The following PARVB variants were observed in gnomAD, a reference collection of about 807,000 sequenced individuals.
PARVB encodes the protein beta-parvin.
PARVB carries 46 observed loss-of-function variants against 47.0 expected under a neutral mutation model. That is an observed-to-expected ratio of 0.98 (90% confidence interval 0.77 to 1.25). The LOEUF (loss-of-function observed/expected upper bound fraction) is 1.25. Ranked by LOEUF, PARVB falls within the 50% of genes most tolerant of loss-of-function variation. The pLI is 0.00. For missense variants in PARVB, 473 were observed against 471.6 expected (o/e 1.00, Z -0.03); for synonymous variants, 196 against 196.3 (o/e 1.00, Z 0.01).
At position 44,034,836 on chromosome 22, in the gene PARVB, G is replaced by A. The variant is rs546238449; in HGVS notation, c.112+10385G>A. Among the ~76,000 whole-genome samples, 75 of 150,006 alleles carry A rather than the reference G, an allele frequency of 5.0e-4. 1 individual carries two copies. The highest frequency in any genetic ancestry group is 1.7e-3 in the African/African-American group (68 of 40,656). On this transcript the variant is annotated intron_variant, in intron 1 of 12. Coordinates refer to ENST00000338758, the MANE Select transcript of PARVB (RefSeq NM_013327.5). Reference sequence around the variant, plus strand: ...AGTGATTCTCCTGCCTCAGCTTCCCGAGTAGCTGGGATTACAGGCGTGCAC... The same window carrying A: ...AGTGATTCTCCTGCCTCAGCTTCCCAAGTAGCTGGGATTACAGGCGTGCAC...
intron 3 of PARVB, chr22:44,111,171 A>C (rs932719638): frequency 6.6e-6 from 1 of 151,964 alleles, no homozygotes; most frequent in African/African-American, 2.4e-5. Context: ...CATTTGGACT[A>C]GTACCTTGGG....
intron 1 of PARVB, chr22:44,026,311 A>G (rs1481410476): frequency 1.0e-6 from 1 of 985,500 alleles, no homozygotes; most frequent in African/African-American, 1.7e-5. Context: ...TGTGCTGAAT[A>G]GAACGGGCGT....
chr22:44,140,552 G>C lies in PARVB; in HGVS notation c.712+409G>C, dbSNP rs1246138408. 3 of 537,774 alleles carry C rather than the reference G, an allele frequency of 5.6e-6. No homozygotes were observed. In the African/African-American group the frequency reaches 5.7e-5, roughly 10 times the overall value. The allele number at this position is 537,774 out of a possible 1,614,324, so 33.3% of individuals were successfully genotyped here. On this transcript the variant is annotated intron_variant, in intron 8 of 12. Coordinates refer to ENST00000338758, the MANE Select transcript of PARVB (RefSeq NM_013327.5). The stretch of plus-strand genomic sequence containing the variant: ...CTCAGCTCTGTGGATGTCCTTCCAT[G>C]TGTATTATTTCCTCCTGGAAACCAC...
chr22:44,100,077 T>C lies in PARVB; in HGVS notation c.227T>C (p.Ile76Thr), dbSNP rs773740168. ...QLEENEERTMIDPTSKEDPKF... is the reference protein window; with the variant it reads ...QLEENEERTMTDPTSKEDPKF... ...GAGGAGAACGAGGAGCGCACGATGA[T>C]TGACCCCACTTCCAAGGAAGACCCC... The change falls in exon 3 of 13, where the codon ATT becomes ACT. Residue 76 changes from isoleucine (I) to threonine (T), a missense_variant. Coordinates refer to ENST00000338758, the MANE Select transcript of PARVB (RefSeq NM_013327.5). 1 of 1,614,118 alleles carries C rather than the reference T, an allele frequency of 6.2e-7. No homozygotes were observed. The highest frequency in any genetic ancestry group is 8.5e-7 in the Non-Finnish European group (1 of 1,179,986).
intron 4 of PARVB, among the ~76,000 whole-genome samples, chr22:44,120,218 C>T (rs934490474): frequency 6.6e-6 from 1 of 152,246 alleles, no homozygotes; most frequent in Non-Finnish European, 1.5e-5. Context: ...ACAGCTGGTT[C>T]TCACAACAGC....
chr22:44,165,324 G>A (rs1401916884), intron 12 of PARVB, among the ~76,000 whole-genome samples: 7 of 152,164 alleles, frequency 4.6e-5, no homozygotes, highest in Non-Finnish European at 7.4e-5. Flanking sequence ...AAGCCTCAAG[G>A]GAGCAGGGCT....
At chr22:44,052,843 TG>T (rs2051235950) in intron 1 of PARVB, among the ~76,000 whole-genome samples, 1 of 152,122 alleles carries the variant, frequency 6.6e-6, no homozygotes, top group Non-Finnish European at 1.5e-5. Context: ...CTTGGGAGGC[TG>T]AGGTGGGAAG....
At chr22:43,999,546 G>T in exon 2 of PARVB, 3 of 1,588,224 alleles carry the variant, frequency 1.9e-6, no homozygotes, top group Non-Finnish European at 2.6e-6. Flanking sequence ...GGAGGCTGGA[G>T]CTGAGACGTG....
intron 1 of PARVB, among the ~76,000 whole-genome samples, chr22:44,033,062 C>T (rs1205862491): frequency 6.6e-6 from 1 of 152,202 alleles, no homozygotes; most frequent in Non-Finnish European, 1.5e-5. Flanking sequence ...CTTCCCCTAG[C>T]TGTCTGTGGC....
intron 1 of PARVB, among the ~76,000 whole-genome samples, chr22:44,070,827 G>A (rs1157529786): frequency 1.3e-5 from 2 of 152,110 alleles, no homozygotes; most frequent in Non-Finnish European, 2.9e-5. Flanking sequence ...ACCTGTGCGG[G>A]ACTTTGCTCA....
chr22:44,156,135 C>T (rs2053927774), intron 10 of PARVB, among the ~76,000 whole-genome samples: 1 of 152,094 alleles, frequency 6.6e-6, no homozygotes, highest in South Asian at 2.1e-4. Context: ...CACTGCACTC[C>T]AGCAGGGCCC....
upstream of PARVB, among the ~76,000 whole-genome samples, chr22:44,020,967 G>T (rs1337278649): frequency 2.0e-5 from 3 of 152,098 alleles, no homozygotes; most frequent in South Asian, 6.2e-4. Flanking sequence ...TTTTAGTAGT[G>T]ACGGGGTTTC....
intron 1 of PARVB, among the ~76,000 whole-genome samples, chr22:44,045,829 G>T (rs2051102818): frequency 6.6e-6 from 1 of 152,188 alleles, no homozygotes; most frequent in Admixed American, 6.5e-5. Context: ...CTGTAGCTTT[G>T]CAGTACGTTT....
At chr22:44,032,832 T>C (rs1490989511) in intron 1 of PARVB, among the ~76,000 whole-genome samples, 4 of 152,156 alleles carry the variant, frequency 2.6e-5, no homozygotes, top group South Asian at 2.1e-4. Context: ...AAAAGAATGC[T>C]GGGACCAGTC....
chr22:44,163,547 G>C (rs918174957), intron 11 of PARVB, among the ~76,000 whole-genome samples: 5 of 152,150 alleles, frequency 3.3e-5, no homozygotes, highest in African/African-American at 7.2e-5. Context: ...TCAGGTGGCT[G>C]GCATCTGGGG....
At chr22:44,124,236 A>T (rs1216408479) in intron 4 of PARVB, among the ~76,000 whole-genome samples, 1 of 152,240 alleles carries the variant, frequency 6.6e-6, no homozygotes, top group African/African-American at 2.4e-5. Context: ...TTTGCTGAAC[A>T]ATCTTTCAGT....
rs916175234 is a variant in PARVB at position 44,161,455 on chromosome 22, A to G, written c.946-2403A>G. ...CAGCCTCCTTAGTAGCTGGGATTAC[A>G]GGCACATGCCACCATGCCTGGCTAA... is the stretch of plus-strand genomic sequence containing the variant. On this transcript the variant is annotated intron_variant, in intron 11 of 12. Transcript: ENST00000338758. 1.7e-4 allele frequency among the ~76,000 whole-genome samples: 26 copies of G among 152,010 alleles called. 1 individual carries two copies. The highest frequency in any genetic ancestry group is 1.5e-3 in the Admixed American group (23 of 15,258).
intron 2 of PARVB, among the ~76,000 whole-genome samples, chr22:44,006,761 C>T (rs6006613): frequency 0.24 from 37,126 of 152,134 alleles, 4,966 homozygotes; most frequent in African/African-American, 0.35. Flanking sequence ...CAGCACACTT[C>T]CATACCTTCA....
rs1319994284 is a variant in PARVB at position 44,103,705 on chromosome 22, G to A, written c.273+3582G>A. 4 of 152,248 alleles carry A rather than the reference G, an allele frequency of 2.6e-5. No homozygotes were observed. The highest frequency in any genetic ancestry group is 1.3e-4 in the Admixed American group (2 of 15,286). 9.4% of individuals were successfully genotyped at this position (152,248 alleles called of 1,614,324 possible). A position where few individuals can be genotyped will look rare whatever the true frequency, so the allele number is the denominator to read the frequency against. Reference sequence around the variant, plus strand: ...TAGTGTCTGTATAAGAGGGACATGGGGAGCTTTGACTGCCCATGAACATGG... The same window carrying A: ...TAGTGTCTGTATAAGAGGGACATGGAGAGCTTTGACTGCCCATGAACATGG... On this transcript the variant is annotated intron_variant, in intron 3 of 12. Transcript: ENST00000338758. The surrounding 1 kb of genome is among the most constrained non-coding windows in gnomAD (Gnocchi z 4.6).
Sources: allele counts gnomAD v4.1 joint callset (sites outside exome capture counted in the v4.1 genomes callset), GRCh38; gene constraint gnomAD v4.1.1; non-coding constraint Gnocchi (gnomAD v3.1); transcripts MANE v1.5; gene names NCBI Gene and HGNC (gene_info 2026-07-23, HGNC 2026-07-21).